Variants in CCDC9B observed in about 807,000 individuals in gnomAD.
CCDC9B encodes the protein coiled-coil domain-containing protein 9B.
A neutral mutation model predicts 47.2 loss-of-function variants in CCDC9B; 40 were observed. The observed-to-expected ratio is 0.85, with a 90% CI of 0.66 to 1.10. The LOEUF (loss-of-function observed/expected upper bound fraction) is 1.10. Ranked by LOEUF, CCDC9B falls within the 50% of genes least tolerant of loss-of-function variation. CCDC9B has a pLI of 0.00. For synonymous variants in CCDC9B, 238 were observed against 250.7 expected (o/e 0.95, Z 0.48); for missense variants, 662 against 651.0 (o/e 1.02, Z -0.18).
Position 40,339,491 on chromosome 15 carries a change from GTCTCCCAGGGT to G in CCDC9B, c.231+10_231+20del. The G allele has an allele frequency of 6.2e-7, 1 of 1,612,690 alleles. No individual in the cohort carries two copies. On this transcript the variant is annotated intron_variant, in intron 3 of 10. Transcript: ENST00000397536. Reference sequence around the variant, plus strand: ...CCTCCACCTCCTTGCTACGAGCCCTGTCTCCCAGGGTGAGGCTTACACCGGGAACCTGGCTG... The same window carrying G: ...CCTCCACCTCCTTGCTACGAGCCCTGGAGGCTTACACCGGGAACCTGGCTG...
At chr15:40,339,798 C>G (rs1421435978) in intron 2 of CCDC9B, 107 bp downstream of exon 2, 21 of 1,389,110 alleles carry the variant, frequency 1.5e-5, no homozygotes, top group South Asian at 8.9e-5. Flanking sequence ...CTACCCCTGG[C>G]CCCAGCCCCA....
At chr15:40,336,869 A>C in intron 7 of CCDC9B, 56 bp from the exon 8 acceptor site, 1 of 1,519,052 alleles carries the variant, frequency 6.6e-7, no homozygotes, top group Non-Finnish European at 9.0e-7. Flanking sequence ...CCAAAACAGG[A>C]ACACCAGTTC....
chr15:40,337,829 T>G lies in CCDC9B; in HGVS notation c.578A>C (p.Gln193Pro), dbSNP rs963420478. Residue 193 changes from glutamine to proline, a missense_variant, in exon 6 of 11, where the codon CAG becomes CCG. Gln to Pro is a moderately conservative substitution (Grantham distance 76). Transcript: ENST00000397536. ...EPPEAGWDYA[Q>P]WKQEREQIDL... ...GATCTGCTCCCGCTCCTGCTTCCAC[T>G]GGGCATAGTCCCAGCCCGCCTCCGG... 6.2e-7 allele frequency: 1 copy of G among 1,610,694 alleles called. No individual in the cohort carries two copies.
chr15:40,338,157 T>TATC, intron 5 of CCDC9B: 1 of 720,434 alleles, frequency 1.4e-6, no homozygotes, highest in Non-Finnish European at 2.6e-6. Context: ...GTTGCAGGGG[T>TATC]ATGCAGACGG....
In CCDC9B at chr15:40,336,582, C is replaced by T. The variant is rs761304163; in HGVS notation, c.879G>A (p.Arg293=). ...CCCCTGCCACCTGTTACCTTCGGGC[C>T]CTGCCAGTCAGCCTCTCCTTGCCCC... The part of the protein sequence containing the change: ...KARGKERLTG[R]ARRWDMKEDK... The change falls in exon 9 of 11, where the codon AGG becomes AGA. Residue 293 remains arginine (R), a synonymous_variant. Transcript: ENST00000397536. The T allele has an allele frequency of 1.2e-6, 2 of 1,611,898 alleles. No individual in the cohort carries two copies. The highest frequency in any genetic ancestry group is 1.7e-6 in the Non-Finnish European group (2 of 1,179,546).
chr15:40,335,159 C>A lies in CCDC9B; in HGVS notation c.1472G>T (p.Ter491LeuextTer38). ...TGRPGPAGRC[*>L] ...CTCCCCAGCTCCCAGGAGCTGTGTT[C>A]AGCATCTTCCTGCCGGGCCAGGGCG... The change falls in exon 11 of 11, where the codon TGA becomes TTA. Residue 491 changes from the stop codon to leucine, a stop_lost. Transcript: ENST00000397536. 2 of 1,505,646 alleles carry A rather than the reference C, an allele frequency of 1.3e-6. No homozygotes were observed. The highest frequency in any genetic ancestry group is 2.7e-5 in the South Asian group (2 of 75,360). The allele number at this position is 1,505,646 out of a possible 1,614,324, so 93.3% of individuals were successfully genotyped here.
chr15:40,335,320 T>C lies in CCDC9B; in HGVS notation c.1311A>G (p.Gly437=). The change falls in exon 11 of 11, where the codon GGA becomes GGG. Residue 437 remains glycine (G), a synonymous_variant. Transcript: ENST00000397536. ...EVQTCPEPQR[G]AGLPEPGEDR... ...CTTCTCCGGGCTCTGGGAGCCCTGC[T>C]CCTCTCTGTGGCTCAGGGCAAGTCT... 1 of 1,613,554 alleles carries C rather than the reference T, an allele frequency of 6.2e-7. No individual in the cohort carries two copies. Among genetic ancestry groups the C allele is most frequent in the Non-Finnish European group, 8.5e-7 (1 of 1,179,826 alleles).
At chr15:40,337,476 G>A (rs1248860553) in intron 6 of CCDC9B, 30 bp from the exon 7 acceptor site, 32 of 1,523,664 alleles carry the variant, frequency 2.1e-5, no homozygotes, top group Admixed American at 1.1e-4. Flanking sequence ...CAGGTTGCTG[G>A]TGCACAGAAG....
chr15:40,338,067 A>G (rs1168281272), intron 5 of CCDC9B, 174 bp from the exon 6 acceptor site: 5 of 750,070 alleles, frequency 6.7e-6, no homozygotes, highest in Admixed American at 4.0e-5. Context: ...TGTGTGTTTT[A>G]CATAAGTAAT....
At chr15:40,336,169 G>C (rs904696974) in intron 9 of CCDC9B, 2 of 985,424 alleles carry the variant, frequency 2.0e-6, no homozygotes, top group African/African-American at 1.7e-5. Flanking sequence ...GCTCCAGGAT[G>C]CTTCCCCCAC....
In CCDC9B at chr15:40,335,538, G is replaced by T; in HGVS notation, c.1093C>A (p.Pro365Thr). ...AAGTCAGGCTCCTGTGGAGAGCAGG[G>T]GACTGAGCTGGCTGTGGAAGCCACT... ...ESVASTASSV[P>T]CSPQEPDLAP... Residue 365 changes from proline to threonine, a missense_variant, in exon 11 of 11, where the codon CCC becomes ACC. Pro to Thr is a conservative substitution (Grantham distance 38, BLOSUM62 -1). Coordinates refer to ENST00000397536, the MANE Select transcript of CCDC9B (RefSeq NM_207380.3). 6.6e-7 allele frequency: 1 copy of T among 1,521,502 alleles called. No homozygotes were observed. Among genetic ancestry groups the T allele is most frequent in the Non-Finnish European group, 8.8e-7 (1 of 1,134,578 alleles). 94.3% of individuals were successfully genotyped at this position (1,521,502 alleles called of 1,614,324 possible).
At position 40,339,889 on chromosome 15, in the gene CCDC9B, G is replaced by C. The variant is rs781540197; in HGVS notation, c.123+16C>G. ...CAGCCAAGTGGTTTCTCCTGGCCCT[G>C]TGGCAGCCCACTCACCTGGTACCTG... On this transcript the variant is annotated intron_variant, in intron 2 of 10. Coordinates refer to ENST00000397536, the MANE Select transcript of CCDC9B (RefSeq NM_207380.3). 1.9e-5 allele frequency: 30 copies of C among 1,589,194 alleles called. No homozygotes were observed. Among genetic ancestry groups the C allele is most frequent in the Non-Finnish European group, 2.2e-5 (25 of 1,157,978 alleles).
chr15:40,339,772 A>G, intron 2 of CCDC9B, 133 bp downstream of exon 2: 1 of 1,436,890 alleles, frequency 7.0e-7, no homozygotes, highest in Non-Finnish European at 9.5e-7. Flanking sequence ...AGCCTCTAAG[A>G]GGGACCATGC....
intron 5 of CCDC9B, chr15:40,338,148 T>A (rs1475758801): frequency 4.2e-6 from 3 of 721,498 alleles, no homozygotes; most frequent in Non-Finnish European, 7.7e-6. Context: ...CACAGGGGTG[T>A]TGCAGGGGTA....
At chr15:40,336,107 T>C (rs972936152) in intron 9 of CCDC9B, 8 of 985,384 alleles carry the variant, frequency 8.1e-6, no homozygotes, top group Non-Finnish European at 8.4e-6. Flanking sequence ...AAGAAACTCC[T>C]GGCAGAAGCC....
Position 40,339,578 on chromosome 15 carries a change from C to T in CCDC9B, c.165G>A (p.Met55Ile), listed in dbSNP as rs991074041. ...EDRRQAEQGG[M>I]AVTTPALLQP... Reference sequence around the variant, plus strand: ...GGAGGAGTGCTGGTGTGGTCACAGCCATCCCCCCCTGCTCTGCCTGCCGAC... The same window carrying T: ...GGAGGAGTGCTGGTGTGGTCACAGCTATCCCCCCCTGCTCTGCCTGCCGAC... The change falls in exon 3 of 11, where the codon ATG becomes ATA. Residue 55 changes from methionine (M) to isoleucine (I), a missense_variant. Coordinates refer to ENST00000397536, the MANE Select transcript of CCDC9B (RefSeq NM_207380.3). 1.2e-6 allele frequency: 2 copies of T among 1,613,662 alleles called. No homozygotes were observed. Among genetic ancestry groups the T allele is most frequent in the African/African-American group, 2.7e-5 (2 of 74,880 alleles).
intron 7 of CCDC9B, 128 bp from the exon 8 acceptor site, chr15:40,336,941 G>A (rs970087565): frequency 9.6e-5 from 82 of 856,800 alleles, no homozygotes; most frequent in Non-Finnish European, 1.3e-4. Flanking sequence ...CCCCAAAAGC[G>A]CCCTCGCCTG....
chr15:40,340,198 C>T (rs924220595), intron 1 of CCDC9B, 183 bp from the exon 2 acceptor site: 17 of 597,076 alleles, frequency 2.8e-5, no homozygotes, highest in Non-Finnish European at 4.5e-5. Flanking sequence ...CAGCTAGGCC[C>T]GTCTGCCTGT....
chr15:40,340,174 C>T (rs1889059318), intron 1 of CCDC9B, 159 bp from the exon 2 acceptor site: 1 of 608,024 alleles, frequency 1.6e-6, no homozygotes, highest in Non-Finnish European at 2.9e-6. Context: ...AAATAAGGCC[C>T]CAAGCCCCCA....
Sources: gnomAD v4.1 joint callset for allele counts on GRCh38, gnomAD v4.1.1 for gene constraint, MANE v1.5 for transcripts, NCBI Gene and HGNC (gene_info 2026-07-23, HGNC 2026-07-21) for gene names.